ARHGEF9: variants seen among roughly 807,000 people sequenced by gnomAD.
ARHGEF9 encodes the protein rho guanine nucleotide exchange factor 9.
ARHGEF9 carries 2 observed loss-of-function variants against 41.3 expected under a neutral mutation model. The ratio of observed to expected loss-of-function variants is 0.05; its 90% CI spans 0.02 to 0.15. The LOEUF (loss-of-function observed/expected upper bound fraction) is 0.15, where lower values mean the gene tolerates loss of function less well. Ranked by LOEUF, ARHGEF9 falls within the 10% of genes least tolerant of loss-of-function variation. The pLI, the probability that ARHGEF9 is intolerant of heterozygous loss-of-function variation, is 1.00. For missense variants in ARHGEF9, 225 were observed against 424.7 expected (o/e 0.53, Z 4.13); for synonymous variants, 160 against 154.4 (o/e 1.04, Z -0.27).
chrX:63,726,305 A>C (rs1453297950), intron 1 of ARHGEF9, among the ~76,000 whole-genome samples: 1 of 112,271 alleles, frequency 8.9e-6, no homozygotes, highest in Non-Finnish European at 1.9e-5. Context: ...TACGGAATCA[A>C]CTGGGCCTCA....
At chrX:63,648,600 A>G (rs1310135048) in intron 8 of ARHGEF9, among the ~76,000 whole-genome samples, 2 of 111,609 alleles carry the variant, frequency 1.8e-5, no homozygotes, top group Non-Finnish European at 3.8e-5. Context: ...ACACATAACA[A>G]TACTAACCTT....
At chrX:63,681,301 T>G (rs1402738235) in intron 4 of ARHGEF9, among the ~76,000 whole-genome samples, 1 of 111,728 alleles carries the variant, frequency 9.0e-6, no homozygotes, top group East Asian at 2.8e-4. Flanking sequence ...TCACACAAAT[T>G]CTTCTAAAGC....
intron 1 of ARHGEF9, among the ~76,000 whole-genome samples, chrX:63,773,645 A>T (rs2056239961): frequency 8.9e-6 from 1 of 111,931 alleles, no homozygotes; most frequent in Non-Finnish European, 1.9e-5. Context: ...ATCAAACATT[A>T]CTCTGGGTGT....
At position 63,661,567 on chromosome X, in the gene ARHGEF9, C is replaced by T. The variant is rs782253230; in HGVS notation, c.1077+4319G>A. Among the ~76,000 whole-genome samples the T allele has an allele frequency of 3.6e-5, 4 of 111,925 alleles. No homozygotes were observed. In the South Asian group the frequency reaches 1.5e-3, roughly 42 times the overall value. ...TGAAACACAGAGGAGCAGAGACTGA[C>T]AGTATAGATAATACGAAGAAAAAGA... On this transcript the variant is annotated intron_variant, in intron 7 of 9. Transcript: ENST00000671741.
chrX:63,675,705 G>A (rs2050221588), intron 5 of ARHGEF9, among the ~76,000 whole-genome samples: 2 of 112,065 alleles, frequency 1.8e-5, no homozygotes, highest in South Asian at 7.5e-4. Flanking sequence ...TCTCAGACGT[G>A]TAACCCTTGG....
intron 2 of ARHGEF9, among the ~76,000 whole-genome samples, chrX:63,714,745 A>G (rs2053181915): frequency 8.9e-6 from 1 of 112,120 alleles, no homozygotes; most frequent in Non-Finnish European, 1.9e-5. Context: ...ACAGAGTCAA[A>G]TATTAGCTGT....
chrX:63,724,492 G>A, intron 2 of ARHGEF9, 40 bp downstream of exon 2: 1 of 1,194,093 alleles, frequency 8.4e-7, no homozygotes, highest in Non-Finnish European at 1.1e-6. Context: ...GGTACAGGCA[G>A]CCAAGGAAAT....
At chrX:63,733,297 G>A (rs2054424103) in intron 1 of ARHGEF9, among the ~76,000 whole-genome samples, 1 of 111,985 alleles carries the variant, frequency 8.9e-6, no homozygotes, top group Non-Finnish European at 1.9e-5. Flanking sequence ...CTATATGCCA[G>A]TCCATTGTTG....
chrX:63,691,406 AT>A (rs2051339128), intron 4 of ARHGEF9, among the ~76,000 whole-genome samples: 1 of 110,493 alleles, frequency 9.1e-6, no homozygotes, highest in Non-Finnish European at 1.9e-5. Flanking sequence ...TTAAAAAAAA[AT>A]AGGAATAAAT....
intron 5 of ARHGEF9, among the ~76,000 whole-genome samples, chrX:63,675,923 G>A (rs782378858): frequency 1.8e-5 from 2 of 112,092 alleles, no homozygotes; most frequent in Non-Finnish European, 3.8e-5. Context: ...TTTCTTTAGA[G>A]AAACTGAAAA....
At chrX:63,721,381 A>G (rs1414211375) in intron 2 of ARHGEF9, among the ~76,000 whole-genome samples, 2 of 110,907 alleles carry the variant, frequency 1.8e-5, no homozygotes, top group Admixed American at 1.9e-4. Flanking sequence ...TGAAAGAACA[A>G]GAAAAGTATA....
intron 5 of ARHGEF9, among the ~76,000 whole-genome samples, chrX:63,674,572 C>T (rs1556359814): frequency 8.9e-6 from 1 of 111,796 alleles, no homozygotes; most frequent in Admixed American, 9.5e-5. Flanking sequence ...GAGGCATAGA[C>T]TGCTTTTGCG....
At position 63,754,350 on chromosome X, in the gene ARHGEF9, T is replaced by A. The variant is rs782573720; in HGVS notation, c.31-29639A>T. The A allele has an allele frequency of 2.5e-6, 3 of 1,210,104 alleles. No individual in the cohort carries two copies. In the Admixed American group the frequency reaches 6.5e-5, roughly 26 times the overall value. On this transcript the variant is annotated intron_variant, in intron 1 of 9. Coordinates refer to ENST00000671741, the MANE Select transcript of ARHGEF9 (RefSeq NM_001353921.2). The stretch of plus-strand genomic sequence containing the variant: ...GAGGCCATGTTGAAGCTCAAAACGT[T>A]TTCCCCCCTGAGTAAGAAAGCTTGT...
At chrX:63,773,719 C>G (rs1450873933) in intron 1 of ARHGEF9, among the ~76,000 whole-genome samples, 2 of 111,911 alleles carry the variant, frequency 1.8e-5, no homozygotes, top group Non-Finnish European at 3.8e-5. Flanking sequence ...AAGAAGATTG[C>G]CCTCCACAAT....
chrX:63,771,565 T>C (rs1480624119), intron 1 of ARHGEF9, among the ~76,000 whole-genome samples: 2 of 109,988 alleles, frequency 1.8e-5, no homozygotes, highest in Non-Finnish European at 3.8e-5. Context: ...ATCCAGTCAG[T>C]TGAAGAACTT....
chrX:63,778,327 T>C (rs1296503299), intron 1 of ARHGEF9, among the ~76,000 whole-genome samples: 1 of 112,169 alleles, frequency 8.9e-6, no homozygotes, highest in Admixed American at 9.4e-5. Flanking sequence ...GGTCACCAAG[T>C]CCCAAAACCT....
At chrX:63,700,224 G>A (rs1296433095) in intron 3 of ARHGEF9, among the ~76,000 whole-genome samples, 7 of 111,887 alleles carry the variant, frequency 6.3e-5, no homozygotes, top group Non-Finnish European at 1.3e-4. Flanking sequence ...AAAAATAAGC[G>A]ATGAGACATA....
At chrX:63,733,747 T>G (rs2054454913) in intron 1 of ARHGEF9, among the ~76,000 whole-genome samples, 1 of 112,252 alleles carries the variant, frequency 8.9e-6, no homozygotes, top group Admixed American at 9.4e-5. Context: ...AAAGATCTAC[T>G]GTTCAGCCAC....
chrX:63,734,272 C>A (rs1360580283), intron 1 of ARHGEF9, among the ~76,000 whole-genome samples: 1 of 112,124 alleles, frequency 8.9e-6, no homozygotes, highest in Admixed American at 9.4e-5. Flanking sequence ...AATGGCCAAC[C>A]TAGATGATGT....
Sources: allele counts gnomAD v4.1 joint callset (sites outside exome capture counted in the v4.1 genomes callset), GRCh38; gene constraint gnomAD v4.1.1; transcripts MANE v1.5; gene names NCBI Gene and HGNC (gene_info 2026-07-23, HGNC 2026-07-21).